CNNM4: variants seen among roughly 807,000 people sequenced by gnomAD.
CNNM4 encodes the protein cyclin and CBS domain divalent metal cation transport mediator 4.
A neutral mutation model predicts 53.7 loss-of-function variants in CNNM4; 32 were observed. The observed-to-expected ratio is 0.60, with a 90% confidence interval of 0.45 to 0.80. The LOEUF is 0.80. Among genes scored for constraint, CNNM4 ranks in the 30% least tolerant of loss-of-function variants. The pLI is 0.00. For missense variants in CNNM4, 784 were observed against 1,022.0 expected, an observed-to-expected ratio of 0.77 and a Z score of 3.17; for synonymous variants, 410 against 440.0, an observed-to-expected ratio of 0.93 and a Z score of 0.85.
At chr2:96,769,181 G>A (rs2078845813) in intron 1 of CNNM4, among the ~76,000 whole-genome samples, 1 of 151,626 alleles carries the variant, frequency 6.6e-6, no homozygotes, top group South Asian at 2.1e-4. Flanking sequence ...AACCCGGGAG[G>A]TGGAGCTTGC....
At chr2:96,803,324 A>C (rs1266951837) in intron 5 of CNNM4, among the ~76,000 whole-genome samples, 1 of 152,148 alleles carries the variant, frequency 6.6e-6, no homozygotes, top group African/African-American at 2.4e-5. Flanking sequence ...CTTTATTATA[A>C]ACAATACCAT....
At chr2:96,771,549 A>G (rs1199688851) in intron 1 of CNNM4, among the ~76,000 whole-genome samples, 1 of 151,950 alleles carries the variant, frequency 6.6e-6, no homozygotes, top group Non-Finnish European at 1.5e-5. Flanking sequence ...TACTTTTTAG[A>G]CAAATACAAA....
At chr2:96,806,777 T>A (rs535327126) in intron 5 of CNNM4, among the ~76,000 whole-genome samples, 1 of 152,178 alleles carries the variant, frequency 6.6e-6, no homozygotes, top group Admixed American at 6.5e-5. Flanking sequence ...GTTAATGATA[T>A]ACAGTAACGT....
intron 1 of CNNM4, among the ~76,000 whole-genome samples, chr2:96,762,867 G>A (rs2078778375): frequency 6.6e-6 from 1 of 152,116 alleles, no homozygotes; most frequent in Non-Finnish European, 1.5e-5. Flanking sequence ...GCAGAGAACC[G>A]GAGTGGAGAA....
At chr2:96,806,037 C>T (rs1315916075) in intron 5 of CNNM4, among the ~76,000 whole-genome samples, 4 of 150,282 alleles carry the variant, frequency 2.7e-5, no homozygotes, top group Admixed American at 1.3e-4. Context: ...GGCAGAGGCG[C>T]CCCTCACCTC....
chr2:96,792,531 G>A (rs964960820), intron 1 of CNNM4, among the ~76,000 whole-genome samples: 5 of 152,032 alleles, frequency 3.3e-5, no homozygotes, highest in Non-Finnish European at 5.9e-5. Flanking sequence ...GACTGGTCAC[G>A]GTGGCTCACA....
chr2:96,785,968 T>C (rs1454077475), intron 1 of CNNM4, among the ~76,000 whole-genome samples: 3 of 151,550 alleles, frequency 2.0e-5, no homozygotes, highest in Non-Finnish European at 4.4e-5. Context: ...GCGCCTATAG[T>C]CTCAGCTACT....
intron 1 of CNNM4, among the ~76,000 whole-genome samples, chr2:96,785,822 C>T (rs2079011791): frequency 6.7e-6 from 1 of 150,204 alleles, no homozygotes; most frequent in Admixed American, 6.6e-5. Context: ...GATAAAAATG[C>T]CAGGCGCAGT....
chr2:96,799,078 C>G lies in CNNM4; in HGVS notation c.1703C>G (p.Ser568Cys), dbSNP rs749831932. The G allele has an allele frequency of 6.2e-7, 1 of 1,614,184 alleles. No individual in the cohort carries two copies. The highest frequency in any genetic ancestry group is 8.5e-7 in the Non-Finnish European group (1 of 1,180,028). ...ACAGAGGTCTCTCAGTTTAGCCCCT[C>G]CCTGATATCAGAGAAGATCCTGCTG... ...LATEVSQFSP[S>C]LISEKILLRL... Residue 568 changes from serine to cysteine, a missense_variant, in exon 4 of 7, where the codon TCC becomes TGC. Physicochemically the swap from Ser to Cys is moderately radical, Grantham distance 112 (BLOSUM62 -1). Coordinates refer to ENST00000377075, the MANE Select transcript of CNNM4 (RefSeq NM_020184.4).
At chr2:96,783,704 C>A (rs1008045297) in intron 1 of CNNM4, among the ~76,000 whole-genome samples, 1 of 152,148 alleles carries the variant, frequency 6.6e-6, no homozygotes, top group Admixed American at 6.6e-5. Flanking sequence ...ATCTTAAGGA[C>A]ATGGAGATAC....
intron 1 of CNNM4, among the ~76,000 whole-genome samples, chr2:96,767,980 G>A (rs2078833419): frequency 6.6e-6 from 1 of 152,222 alleles, no homozygotes; most frequent in South Asian, 2.1e-4. Context: ...GCTGAGGCAG[G>A]AGAATCGCTT....
intron 1 of CNNM4, among the ~76,000 whole-genome samples, chr2:96,770,635 C>T (rs933056687): frequency 5.3e-5 from 8 of 152,152 alleles, no homozygotes; most frequent in Admixed American, 1.3e-4. Flanking sequence ...CTTGGCGGTG[C>T]GGATCCCTGG....
chr2:96,809,033 G>C (rs866803728), intron 6 of CNNM4, among the ~76,000 whole-genome samples: 1 of 151,340 alleles, frequency 6.6e-6, no homozygotes, highest in Non-Finnish European at 1.5e-5. Context: ...ATAGAGATGG[G>C]GTCTCACTGT....
chr2:96,799,013 A>G, intron 3 of CNNM4, 44 bp from the exon 4 acceptor site: 1 of 1,604,420 alleles, frequency 6.2e-7, no homozygotes. Context: ...CTTTAGGGCC[A>G]CCTGGCCAGC....
intron 1 of CNNM4, among the ~76,000 whole-genome samples, chr2:96,791,350 G>A (rs1417183390): frequency 1.3e-5 from 2 of 151,520 alleles, no homozygotes; most frequent in African/African-American, 2.4e-5. Context: ...GGGTGGCATC[G>A]GCTGGGTACA....
chr2:96,766,349 A>T (rs2078818806), intron 1 of CNNM4, among the ~76,000 whole-genome samples: 1 of 152,176 alleles, frequency 6.6e-6, no homozygotes, highest in Admixed American at 6.5e-5. Flanking sequence ...TGCTGGGATT[A>T]CAGGTGTGAG....
At chr2:96,776,296 G>A (rs1403597033) in intron 1 of CNNM4, among the ~76,000 whole-genome samples, 4 of 152,018 alleles carry the variant, frequency 2.6e-5, no homozygotes, top group African/African-American at 9.7e-5. Flanking sequence ...CGAAAGTGCT[G>A]GGATTACAGG....
Position 96,761,353 on chromosome 2 carries a change from G to C in CNNM4, c.354G>C (p.Gln118His). The change falls in exon 1 of 7, where the codon CAG (glutamine) becomes CAC (histidine). Residue 118 changes from glutamine (Q) to histidine (H), a missense_variant. Around this residue, in one of 3 missense-constraint regions of CNNM4, gnomAD observed 473 missense variants for 624.6 expected, o/e 0.76. Transcript: ENST00000377075. The surrounding 1 kb of genome is among the most constrained non-coding windows in gnomAD (Gnocchi z 6.0). ...AGCTCACCAAGGACCTGGTCGTCCA[G>C]CAGCTGGTCAACGTGAGCCGCGGGA... ...CLELTKDLVVQQLVNVSRGNT... is the reference protein window; with the variant it reads ...CLELTKDLVVHQLVNVSRGNT... 1 of 1,614,094 alleles carries C rather than the reference G, an allele frequency of 6.2e-7. No individual in the cohort carries two copies. Among genetic ancestry groups the C allele is most frequent in the Non-Finnish European group, 8.5e-7 (1 of 1,180,032 alleles).
At chr2:96,763,038 C>T (rs2078780243) in intron 1 of CNNM4, among the ~76,000 whole-genome samples, 1 of 152,092 alleles carries the variant, frequency 6.6e-6, no homozygotes, top group Non-Finnish European at 1.5e-5. Flanking sequence ...AGTCATGTTA[C>T]TGGAGGTGCT....
Sources: allele counts gnomAD v4.1 joint callset (sites outside exome capture counted in the v4.1 genomes callset), GRCh38; gene constraint gnomAD v4.1.1; regional missense constraint gnomAD v4.1.1; non-coding constraint Gnocchi (gnomAD v3.1); transcripts MANE v1.5; gene names NCBI Gene and HGNC (gene_info 2026-07-23, HGNC 2026-07-21).